Variants in TMEM45B observed in about 807,000 individuals in gnomAD.
TMEM45B encodes the protein transmembrane protein 45B.
TMEM45B carries 29 observed loss-of-function variants against 27.3 expected under a neutral mutation model. The ratio of observed to expected loss-of-function variants is 1.06; its 90% CI spans 0.79 to 1.45. TMEM45B has a LOEUF of 1.45. TMEM45B is among the 40% of genes most tolerant of loss of function. The pLI is 0.00. For missense variants in TMEM45B, 348 were observed against 343.9 expected, an observed-to-expected ratio of 1.01 and a Z score of -0.09; for synonymous variants, 143 against 134.7, an observed-to-expected ratio of 1.06 and a Z score of -0.43.
intron 1 of TMEM45B, among the ~76,000 whole-genome samples, chr11:129,817,163 C>T (rs1291893592): frequency 1.3e-5 from 2 of 152,150 alleles, no homozygotes; most frequent in Non-Finnish European, 2.9e-5. Context: ...GGCCTGCCTA[C>T]AGCATTTTAC....
At chr11:129,837,585 C>CCTTTTTTTTTTTTTTTTTTTTTTT (rs1947636610) in intron 1 of TMEM45B, among the ~76,000 whole-genome samples, 6 of 80,294 alleles carry the variant, frequency 7.5e-5, no homozygotes, top group African/African-American at 1.7e-4. Context: ...CTGCACTGGG[C>CCTTTTTTTTTTTTTTTTTTTTTTT]TTTTTTTTTT....
At chr11:129,847,282 G>A (rs1375949818) in intron 1 of TMEM45B, among the ~76,000 whole-genome samples, 1 of 152,206 alleles carries the variant, frequency 6.6e-6, no homozygotes, top group Non-Finnish European at 1.5e-5. Context: ...AGCTGAAAGG[G>A]TTGAAAGTGG....
At chr11:129,822,429 TG>T (rs1947429934) in intron 1 of TMEM45B, among the ~76,000 whole-genome samples, 1 of 152,222 alleles carries the variant, frequency 6.6e-6, no homozygotes, top group Non-Finnish European at 1.5e-5. Context: ...GTAGGTTGGC[TG>T]GCTTCATTGC....
intron 1 of TMEM45B, among the ~76,000 whole-genome samples, chr11:129,846,054 A>C (rs1565370272): frequency 6.6e-6 from 1 of 152,280 alleles, no homozygotes; most frequent in Non-Finnish European, 1.5e-5. Context: ...TAAAATGTCT[A>C]GAATTTAATT....
chr11:129,832,109 G>A (rs375085057), intron 1 of TMEM45B, among the ~76,000 whole-genome samples: 332 of 137,424 alleles, frequency 2.4e-3, no homozygotes, highest in African/African-American at 8.4e-3. Context: ...AGTGGCTCAC[G>A]CCTGTAATCC....
At chr11:129,839,840 G>T (rs993359294) in intron 1 of TMEM45B, among the ~76,000 whole-genome samples, 6 of 152,092 alleles carry the variant, frequency 3.9e-5, no homozygotes, top group Non-Finnish European at 7.4e-5. Flanking sequence ...TGACCTAAAA[G>T]CACTATCTGA....
At chr11:129,820,176 G>A (rs556698368) in intron 1 of TMEM45B, among the ~76,000 whole-genome samples, 17 of 152,140 alleles carry the variant, frequency 1.1e-4, no homozygotes, top group Middle Eastern at 3.4e-3. Flanking sequence ...TCAGCCGGGC[G>A]TGCTAGCAGG....
chr11:129,852,375 T>C, intron 1 of TMEM45B, 100 bp from the exon 2 acceptor site: 1 of 1,053,316 alleles, frequency 9.5e-7, no homozygotes, highest in Non-Finnish European at 1.4e-6. Context: ...TAACGTGGCT[T>C]ATGATTTGCA....
chr11:129,839,554 G>T (rs1471852741), intron 1 of TMEM45B, among the ~76,000 whole-genome samples: 4 of 152,166 alleles, frequency 2.6e-5, no homozygotes, highest in Non-Finnish European at 5.9e-5. Context: ...TGGAGACAGG[G>T]TCTCACTGTG....
chr11:129,836,731 G>A (rs1237084089), intron 1 of TMEM45B, among the ~76,000 whole-genome samples: 2 of 152,234 alleles, frequency 1.3e-5, no homozygotes, highest in East Asian at 3.9e-4. Flanking sequence ...CTCCAGAACT[G>A]AGAATATAAA....
intron 1 of TMEM45B, 67 bp downstream of exon 1, chr11:129,815,965 C>A: frequency 7.9e-7 from 1 of 1,259,948 alleles, no homozygotes; most frequent in Non-Finnish European, 9.9e-7. Context: ...GGGGCCCCGC[C>A]AAGGAGCGGG....
intron 1 of TMEM45B, among the ~76,000 whole-genome samples, chr11:129,841,889 C>T (rs747833025): frequency 3.3e-5 from 5 of 152,012 alleles, no homozygotes; most frequent in South Asian, 2.1e-4. Context: ...TGAGCCACTG[C>T]GCCCGGCCTC....
At chr11:129,816,178 C>T (rs2135543881) in intron 1 of TMEM45B, among the ~76,000 whole-genome samples, 1 of 152,274 alleles carries the variant, frequency 6.6e-6, no homozygotes. Flanking sequence ...CCCCGAGTGC[C>T]TCTGTCCGGC....
Position 129,826,498 on chromosome 11 carries a change from G to A in TMEM45B, c.-9+10600G>A, listed in dbSNP as rs184754128. 6.2e-3 allele frequency among the ~76,000 whole-genome samples: 866 copies of A among 140,388 alleles called. 8 individuals are homozygous for A. Among genetic ancestry groups the A allele is most frequent in the Non-Finnish European group, 0.01 (682 of 65,648 alleles). 92.1% of individuals were successfully genotyped at this position (140,388 alleles called of 152,430 possible). ...CGGGAGGCAGAGCTTGCAGTGAGCC[G>A]AGATGGCGCCACTGCACTCCAGCCT... On this transcript the variant is annotated intron_variant, in intron 1 of 5. Transcript: ENST00000281441.
intron 1 of TMEM45B, among the ~76,000 whole-genome samples, chr11:129,842,125 G>T (rs948867879): frequency 6.6e-6 from 1 of 152,066 alleles, no homozygotes; most frequent in South Asian, 2.1e-4. Flanking sequence ...GATCCAATTC[G>T]AAAAACAGAA....
chr11:129,836,759 C>T (rs185034106), intron 1 of TMEM45B, among the ~76,000 whole-genome samples: 6 of 152,150 alleles, frequency 3.9e-5, no homozygotes, highest in Admixed American at 6.5e-5. Flanking sequence ...TTAATCTGCC[C>T]AGTGTGTGGT....
chr11:129,857,443 A>C lies in TMEM45B; in HGVS notation c.701A>C (p.Tyr234Ser). ...GCCCTCAGCATTGTGGCCGTCAACT[A>C]TTCTCTTGTTTACTGGTATGTCTGA... ...LAALSIVAVN[Y>S]SLVYCLLTRM... The change falls in exon 5 of 6, where the codon TAT (tyrosine) becomes TCT (serine). Residue 234 changes from tyrosine (Y) to serine (S), a missense_variant. By Grantham distance (144) the Tyr-to-Ser change is moderately radical. Coordinates refer to ENST00000281441, the MANE Select transcript of TMEM45B (RefSeq NM_138788.5). 1 of 1,614,126 alleles carries C rather than the reference A, an allele frequency of 6.2e-7. No individual in the cohort carries two copies. Among genetic ancestry groups the C allele is most frequent in the East Asian group, 2.2e-5 (1 of 44,874 alleles).
At chr11:129,852,429 T>C in intron 1 of TMEM45B, 46 bp from the exon 2 acceptor site, 1 of 1,526,330 alleles carries the variant, frequency 6.6e-7, no homozygotes, top group South Asian at 1.2e-5. Context: ...ATACATTTGT[T>C]TGCTTGCTTC....
At chr11:129,854,538 G>C in intron 2 of TMEM45B, 72 bp from the exon 3 acceptor site, 1 of 1,497,514 alleles carries the variant, frequency 6.7e-7, no homozygotes, top group Middle Eastern at 2.0e-4. Flanking sequence ...TCATGCCTTT[G>C]GGTTATTCCT....
Sources: allele counts gnomAD v4.1 joint callset (sites outside exome capture counted in the v4.1 genomes callset), GRCh38; gene constraint gnomAD v4.1.1; transcripts MANE v1.5; gene names NCBI Gene and HGNC (gene_info 2026-07-23, HGNC 2026-07-21).